CAMSAP1: variants seen among roughly 807,000 people sequenced by gnomAD.
CAMSAP1 encodes the protein calmodulin regulated spectrin associated protein 1, also known as calmodulin-regulated spectrin-associated protein 1.
In CAMSAP1, 58 loss-of-function variants were observed where a neutral mutation model predicts 143.5. That is an observed-to-expected ratio of 0.40 (90% CI 0.33 to 0.50). CAMSAP1 has a LOEUF of 0.50. Among genes scored for constraint, CAMSAP1 ranks in the 20% least tolerant of loss-of-function variants. CAMSAP1 has a pLI of 0.45. For missense variants in CAMSAP1, 1,969 were observed against 2,115.7 expected, an observed-to-expected ratio of 0.93 and a Z score of 1.36; for synonymous variants, 945 against 859.3, an observed-to-expected ratio of 1.10 and a Z score of -1.74.
At chr9:135,865,248 G>C in intron 4 of CAMSAP1, 1 of 1,323,956 alleles carries the variant, frequency 7.6e-7, no homozygotes. Context: ...AAACAGTTTT[G>C]GGTGCGAGCA....
intron 3 of CAMSAP1, among the ~76,000 whole-genome samples, chr9:135,873,576 C>T (rs1180154858): frequency 6.6e-6 from 1 of 152,070 alleles, no homozygotes; most frequent in East Asian, 1.9e-4. Flanking sequence ...TTGCCAACCT[C>T]AGGAAACAAA....
Position 135,821,277 on chromosome 9 carries a change from C to T in CAMSAP1, c.3384G>A (p.Glu1128=). 4 of 1,610,638 alleles carry T rather than the reference C, an allele frequency of 2.5e-6. No individual in the cohort carries two copies. The highest frequency in any genetic ancestry group is 3.4e-6 in the Non-Finnish European group (4 of 1,179,856). The part of the protein sequence containing the change: ...SRSKTPTPSV[E]TLPHLRPFPA... Reference sequence around the variant, plus strand: ...GGAAGGGTCTCAAGTGCGGGAGCGTCTCTACACTGGGCGTTGGGGTTTTAC... The same window carrying T: ...GGAAGGGTCTCAAGTGCGGGAGCGTTTCTACACTGGGCGTTGGGGTTTTAC... The change falls in exon 11 of 17, where the codon GAG becomes GAA. Residue 1128 remains glutamate, a synonymous_variant. Transcript: ENST00000389532. This position sits in a 1 kb window ranked among gnomAD's most constrained non-coding sequence, Gnocchi z 4.6.
Position 135,907,140 on chromosome 9 carries a change from C to T in CAMSAP1, c.20G>A (p.Arg7His). ...CTTCCTCCAGCCCTCGGCGGCGGCG[C>T]GGCCGCTCGCGTCCACCATCTGCAG... Reference protein sequence around the residue: MVDASGRAAAEGWRKME... With the variant: MVDASGHAAAEGWRKME... The change falls in exon 1 of 17, where the codon CGC (arginine) becomes CAC (histidine). Residue 7 changes from arginine (R) to histidine (H), a missense_variant. Physicochemically the swap from Arg to His is conservative, Grantham distance 29 (BLOSUM62 0). Transcript: ENST00000389532. 1.8e-6 allele frequency: 2 copies of T among 1,111,814 alleles called. No individual in the cohort carries two copies. Among genetic ancestry groups the T allele is most frequent in the South Asian group, 4.0e-5 (1 of 25,170 alleles). The allele number at this position is 1,111,814 out of a possible 1,614,324, so 68.9% of individuals were successfully genotyped here. A position where few individuals can be genotyped will look rare whatever the true frequency, so the allele number is the denominator to read the frequency against.
intron 1 of CAMSAP1, among the ~76,000 whole-genome samples, chr9:135,894,357 G>A (rs1001832202): frequency 6.6e-6 from 1 of 152,188 alleles, no homozygotes; most frequent in Non-Finnish European, 1.5e-5. Flanking sequence ...GCCATCCGAG[G>A]GGAGGGGCGG....
chr9:135,811,306 G>T lies in CAMSAP1; in HGVS notation c.*3C>A, dbSNP rs369711971. ...CACCCTTTGGACGCCAGCTGCACCG[G>T]GGTCATTTACGAGTCTGGGCCTTCT... On this transcript the variant is annotated 3_prime_UTR_variant, in exon 17 of 17. Transcript: ENST00000389532. The surrounding 1 kb of genome is among the most constrained non-coding windows in gnomAD (Gnocchi z 4.9). The T allele has an allele frequency of 4.3e-6, 7 of 1,611,032 alleles. No homozygotes were observed. In the African/African-American group the frequency reaches 8.0e-5, roughly 18 times the overall value.
At chr9:135,854,531 C>T (rs1290332607) in intron 5 of CAMSAP1, among the ~76,000 whole-genome samples, 1 of 152,014 alleles carries the variant, frequency 6.6e-6, no homozygotes, top group Non-Finnish European at 1.5e-5. Context: ...GGCACAATCA[C>T]AGCTCATTGT....
intron 5 of CAMSAP1, among the ~76,000 whole-genome samples, chr9:135,861,984 T>TA (rs1837211339): frequency 6.6e-6 from 1 of 152,240 alleles, no homozygotes; most frequent in African/African-American, 2.4e-5. Flanking sequence ...AAATGGTTCA[T>TA]AAACAGATTC....
chr9:135,875,142 TTA>T (rs1489131494), intron 3 of CAMSAP1, among the ~76,000 whole-genome samples: 1 of 152,194 alleles, frequency 6.6e-6, no homozygotes, highest in Non-Finnish European at 1.5e-5. Context: ...GCAAGTATTC[TTA>T]TAGAAGCTGA....
Position 135,847,621 on chromosome 9 carries a change from C to T in CAMSAP1, c.1045+2516G>A, listed in dbSNP as rs1250193205. 6.7e-5 allele frequency among the ~76,000 whole-genome samples: 10 copies of T among 149,854 alleles called. 1 individual carries two copies. In the South Asian group the frequency reaches 1.1e-3, roughly 16 times the overall value. On this transcript the variant is annotated intron_variant, in intron 7 of 16. Transcript: ENST00000389532. ...AACACAGGAACAGAAAACCAAACACCGCATGTTCTTACTCATAAGTGGGAG... is the reference window on the plus strand; with the variant it reads ...AACACAGGAACAGAAAACCAAACACTGCATGTTCTTACTCATAAGTGGGAG...
chr9:135,848,657 G>A (rs763408295), intron 7 of CAMSAP1, among the ~76,000 whole-genome samples: 4 of 152,178 alleles, frequency 2.6e-5, no homozygotes, highest in East Asian at 1.9e-4. Context: ...GTAGCTGCTC[G>A]TGGCTGTGGC....
In CAMSAP1 at chr9:135,822,350, C is replaced by A; in HGVS notation, c.2311G>T (p.Ala771Ser). The change falls in exon 11 of 17, where the codon GCC becomes TCC. Residue 771 changes from alanine (A) to serine (S), a missense_variant. Ala to Ser is a moderately conservative substitution (Grantham distance 99). Coordinates refer to ENST00000389532, the MANE Select transcript of CAMSAP1 (RefSeq NM_015447.4). This position sits in a 1 kb window ranked among gnomAD's most constrained non-coding sequence, Gnocchi z 6.1. ...FSRYIGEEES[A>S]KLQEDMKVKE... ...ACCTTCATGTCCTCCTGCAGTTTGG[C>A]CGACTCTTCCTCCCCAATGTATCTG... 1.9e-6 allele frequency: 3 copies of A among 1,613,984 alleles called. No homozygotes were observed. The highest frequency in any genetic ancestry group is 2.5e-6 in the Non-Finnish European group (3 of 1,179,906).
Position 135,866,814 on chromosome 9 carries a change from G to A in CAMSAP1, c.586-278C>T, listed in dbSNP as rs368847143. ...CTGCGGGGCAGAGTCACTACATCTT[G>A]GCAGTGGTCACTCACCACACAAGTA... On this transcript the variant is annotated intron_variant, in intron 3 of 16. Transcript: ENST00000389532. Among the ~76,000 whole-genome samples, 50 of 152,184 alleles carry A rather than the reference G, an allele frequency of 3.3e-4. No homozygotes were observed. In the South Asian group the frequency reaches 8.7e-3, roughly 27 times the overall value.
In CAMSAP1 at chr9:135,819,082, C is replaced by T. The variant is rs1188175890; in HGVS notation, c.3887G>A (p.Arg1296His). 1 of 1,603,130 alleles carries T rather than the reference C, an allele frequency of 6.2e-7. No homozygotes were observed. Among genetic ancestry groups the T allele is most frequent in the Non-Finnish European group, 8.5e-7 (1 of 1,176,472 alleles). The change falls in exon 12 of 17, where the codon CGC becomes CAC. Residue 1296 changes from arginine to histidine, a missense_variant. Coordinates refer to ENST00000389532, the MANE Select transcript of CAMSAP1 (RefSeq NM_015447.4). ...GCGCACGCGGGCCTCCTCGGCCTTG[C>T]GCTGCTGCTTCAGGAGGAAGGCCGC... ...KRAAFLLKQQ[R>H]KAEEARVRKQ...
intron 7 of CAMSAP1, among the ~76,000 whole-genome samples, chr9:135,842,152 C>T (rs575260798): frequency 6.6e-6 from 1 of 152,252 alleles, no homozygotes; most frequent in Admixed American, 6.5e-5. Context: ...GAGAAGAACA[C>T]AAATGACTTG....
In CAMSAP1 at chr9:135,850,086, T is replaced by C. The variant is rs375754770; in HGVS notation, c.1045+51A>G. ...ACCACTGGAGAGTGCTTTCTGATAC[T>C]CTAGGCTCTCAAGGAAACCATTGCC... On this transcript the variant is annotated intron_variant, in intron 7 of 16. Transcript: ENST00000389532. The C allele has an allele frequency of 3.4e-5, 49 of 1,449,326 alleles. No homozygotes were observed. In the African/African-American group the frequency reaches 6.4e-4, roughly 19 times the overall value. The allele number at this position is 1,449,326 out of a possible 1,614,324, so 89.8% of individuals were successfully genotyped here. A position where few individuals can be genotyped will look rare whatever the true frequency, so the allele number is the denominator to read the frequency against.
At chr9:135,860,597 C>CAAAAAAAAAAAA (rs35415924) in intron 5 of CAMSAP1, among the ~76,000 whole-genome samples, 1 of 62,050 alleles carries the variant, frequency 1.6e-5, no homozygotes, top group Non-Finnish European at 3.1e-5. Context: ...GACTCTGCCT[C>CAAAAAAAAAAAA]AAAAAAAAAA....
intron 3 of CAMSAP1, among the ~76,000 whole-genome samples, chr9:135,874,801 A>G (rs1564452673): frequency 2.6e-5 from 4 of 152,254 alleles, no homozygotes; most frequent in African/African-American, 2.4e-5. Flanking sequence ...ACTAGAATAA[A>G]TAAGTTTAGC....
chr9:135,883,058 T>C lies in CAMSAP1; in HGVS notation c.181A>G (p.Arg61Gly). 1.3e-6 allele frequency: 2 copies of C among 1,551,678 alleles called. No homozygotes were observed. The highest frequency in any genetic ancestry group is 1.7e-6 in the Non-Finnish European group (2 of 1,146,994). ...YGRDNIPEDLRDPFYVDQYEQ... is the reference protein window; with the variant it reads ...YGRDNIPEDLGDPFYVDQYEQ... ...TACTGGTCAACGTAGAAAGGGTCTC[T>C]GAGGTCCTCAGGGATGTTATCTAAG... is the stretch of plus-strand genomic sequence containing the variant. Residue 61 changes from arginine to glycine, a missense_variant, in exon 2 of 17, where the codon AGA becomes GGA. Arg to Gly is a moderately radical substitution (Grantham distance 125). Around this residue, in one of 4 missense-constraint regions of CAMSAP1, gnomAD observed 215 missense variants for 196.2 expected, o/e 1.10. Coordinates refer to ENST00000389532, the MANE Select transcript of CAMSAP1 (RefSeq NM_015447.4).
chr9:135,853,890 G>C (rs73559437), intron 5 of CAMSAP1, among the ~76,000 whole-genome samples: 6,791 of 152,318 alleles, frequency 0.045, 495 homozygotes, highest in African/African-American at 0.15. Context: ...CCAGAGCCAC[G>C]ATCAGAAGGG....
Sources: gnomAD v4.1 joint callset for allele counts (sites outside exome capture counted in the v4.1 genomes callset) on GRCh38, gnomAD v4.1.1 for gene constraint, gnomAD v4.1.1 regional missense constraint, Gnocchi (gnomAD v3.1) non-coding constraint, MANE v1.5 for transcripts, NCBI Gene and HGNC (gene_info 2026-07-23, HGNC 2026-07-21) for gene names.